DIDO1: variants seen among roughly 807,000 people sequenced by gnomAD.
The protein encoded by DIDO1 is death-inducer obliterator 1.
A neutral mutation model predicts 99.4 loss-of-function variants in DIDO1; 16 were observed. The ratio of observed to expected loss-of-function variants is 0.16; its 90% CI spans 0.11 to 0.24. The LOEUF is 0.24. Among genes scored for constraint, DIDO1 ranks in the 10% least tolerant of loss-of-function variants. The pLI, the probability that DIDO1 is intolerant of heterozygous loss-of-function variation, is 1.00. For missense variants in DIDO1, 2,996 were observed against 3,014.0 expected (o/e 0.99, Z 0.14); for synonymous variants, 1,366 against 1,239.1 (o/e 1.10, Z -2.15).
At position 62,894,499 on chromosome 20, in the gene DIDO1, A is replaced by G; in HGVS notation, c.2486T>C (p.Leu829Pro). The change falls in exon 11 of 16, where the codon CTT becomes CCT. Residue 829 changes from leucine (L) to proline (P), a missense_variant. Physicochemically the swap from Leu to Pro is moderately conservative, Grantham distance 98. Transcript: ENST00000395343. The surrounding 1 kb of genome is among the most constrained non-coding windows in gnomAD (Gnocchi z 4.4). Reference sequence around the variant, plus strand: ...CAACATGCTGCTGAAGACGTCGAGAAGCGGCGCTGTGCTCTTCTCAGGGAC... The same window carrying G: ...CAACATGCTGCTGAAGACGTCGAGAGGCGGCGCTGTGCTCTTCTCAGGGAC... Reference protein sequence around the residue: ...RAVPEKSTAPLLDVFSSMLKD... With the variant: ...RAVPEKSTAPPLDVFSSMLKD... The G allele has an allele frequency of 6.2e-7, 1 of 1,613,370 alleles. No homozygotes were observed. Among genetic ancestry groups the G allele is most frequent in the Non-Finnish European group, 8.5e-7 (1 of 1,180,016 alleles).
intron 1 of DIDO1, among the ~76,000 whole-genome samples, chr20:62,922,109 T>TATACACAC (rs375077898): frequency 0.05 from 5,550 of 110,580 alleles, 163 homozygotes; most frequent in East Asian, 0.17. Flanking sequence ...ACTATATATA[T>TATACACAC]ACACACACAC....
chr20:62,887,775 C>T, intron 15 of DIDO1: 1 of 985,478 alleles, frequency 1.0e-6, no homozygotes, highest in Non-Finnish European at 1.2e-6. Context: ...GACTCTGCGA[C>T]CCCAAGTCCC....
Position 62,880,067 on chromosome 20 carries a change from C to A in DIDO1, c.5889G>T (p.Gln1963His). 1 of 1,611,786 alleles carries A rather than the reference C, an allele frequency of 6.2e-7. No individual in the cohort carries two copies. The highest frequency in any genetic ancestry group is 8.5e-7 in the Non-Finnish European group (1 of 1,179,998). The change falls in exon 16 of 16, where the codon CAG becomes CAT. Residue 1963 changes from glutamine (Q) to histidine (H), a missense_variant. By Grantham distance (24) the Gln-to-His change is conservative. This residue lies in a region of DIDO1 where 1,562 missense variants were observed against 1,412.6 expected (regional missense o/e 1.11). Transcript: ENST00000395343. ...PNFMPGPRGI[Q>H]PQQFEDQRVH... ...CCCTCTGGTCTTCGAACTGCTGAGG[C>A]TGAATGCCCCTGGGACCTGGCATAA...
chr20:62,900,756 G>A (rs1264439741), intron 6 of DIDO1, among the ~76,000 whole-genome samples: 1 of 152,220 alleles, frequency 6.6e-6, no homozygotes, highest in Admixed American at 6.5e-5. Context: ...GCTGGTTTAG[G>A]GAAGCTGGGG....
chr20:62,900,893 G>GA (rs1222879352), intron 6 of DIDO1, among the ~76,000 whole-genome samples: 1 of 152,224 alleles, frequency 6.6e-6, no homozygotes, highest in Non-Finnish European at 1.5e-5. Context: ...AGGAACTGTG[G>GA]AAGTAAATTC....
chr20:62,928,219 T>G (rs761644790), upstream of DIDO1, among the ~76,000 whole-genome samples: 21 of 152,008 alleles, frequency 1.4e-4, no homozygotes, highest in African/African-American at 3.9e-4. Flanking sequence ...TCAGGAGAGA[T>G]AGATGGAAAG....
chr20:62,907,087 C>A, intron 5 of DIDO1, 60 bp downstream of exon 5: 2 of 1,573,242 alleles, frequency 1.3e-6, no homozygotes, highest in Non-Finnish European at 8.7e-7. Flanking sequence ...AACAGTTCTG[C>A]GACAAACGCT....
At chr20:62,887,828 A>G (rs963710607) in intron 15 of DIDO1, 5 of 985,396 alleles carry the variant, frequency 5.1e-6, no homozygotes, top group Non-Finnish European at 6.0e-6. Context: ...AGTGGGGTGA[A>G]CATCTAGGTG....
chr20:62,886,501 A>G (rs2147368696), intron 15 of DIDO1, among the ~76,000 whole-genome samples: 1 of 152,318 alleles, frequency 6.6e-6, no homozygotes, highest in East Asian at 1.9e-4. Flanking sequence ...GGCCAAGACC[A>G]AAACCAGGAT....
intron 1 of DIDO1, among the ~76,000 whole-genome samples, chr20:62,919,859 T>C (rs1469825164): frequency 1.3e-5 from 2 of 152,202 alleles, no homozygotes; most frequent in Non-Finnish European, 2.9e-5. Context: ...GGTGGGAAAT[T>C]TCAACTCTCC....
chr20:62,929,692 A>AAAAAAAATATATATATAT, upstream of DIDO1, among the ~76,000 whole-genome samples: 3 of 63,710 alleles, frequency 4.7e-5, no homozygotes, highest in African/African-American at 2.3e-4. Flanking sequence ...AAAAAGAAAA[A>AAAAAAAATATATATATAT]GTGTATATAT....
At chr20:62,921,412 C>T (rs1488925330) in intron 1 of DIDO1, among the ~76,000 whole-genome samples, 2 of 152,180 alleles carry the variant, frequency 1.3e-5, no homozygotes, top group African/African-American at 4.8e-5. Context: ...GAGGCCATTC[C>T]GGTTCAGTCA....
rs1327789152 is a variant in DIDO1, at chr20:62,921,939, T to C, written c.-200+4500A>G. On this transcript the variant is annotated intron_variant, in intron 1 of 15. Transcript: ENST00000395343. ...ATACACTATATATGTCCAAAATATA[T>C]ATACACTATATATGTCCACAATATA... Among the ~76,000 whole-genome samples the C allele has an allele frequency of 2.0e-5, 3 of 150,378 alleles. No homozygotes were observed. In the Admixed American group the frequency reaches 2.0e-4, roughly 10 times the overall value.
At position 62,898,507 on chromosome 20, in the gene DIDO1, C is replaced by G. The variant is rs527248157; in HGVS notation, c.1589-1511G>C. Among the ~76,000 whole-genome samples the G allele has an allele frequency of 3.3e-5, 5 of 152,368 alleles. 1 individual carries two copies. The South Asian group carries it at 1.0e-3, about 32-fold the overall frequency. On this transcript the variant is annotated intron_variant, in intron 6 of 15. Transcript: ENST00000395343. Reference sequence around the variant, plus strand: ...GTGTCACTGTTAACAGATATTCGCCCCGACTTTCAAGATTTCCATGTGTTC... The same window carrying G: ...GTGTCACTGTTAACAGATATTCGCCGCGACTTTCAAGATTTCCATGTGTTC...
chr20:62,899,926 A>T (rs1461451215), intron 6 of DIDO1, among the ~76,000 whole-genome samples: 2 of 152,236 alleles, frequency 1.3e-5, no homozygotes, highest in African/African-American at 4.8e-5. Context: ...CTGCTGCTGA[A>T]ATGGGGACAG....
chr20:62,928,033 G>A (rs904277728), upstream of DIDO1, among the ~76,000 whole-genome samples: 1 of 152,178 alleles, frequency 6.6e-6, no homozygotes, highest in Non-Finnish European at 1.5e-5. Context: ...CTGAGGCCCA[G>A]GTGAAGACCA....
chr20:62,892,927 G>GACA lies in DIDO1; in HGVS notation c.3136_3137insTGT (p.Thr1046delinsMetSer). 6.2e-7 allele frequency: 1 copy of GACA among 1,613,784 alleles called. No individual in the cohort carries two copies. Among genetic ancestry groups the GACA allele is most frequent in the Non-Finnish European group, 8.5e-7 (1 of 1,179,846 alleles). On this transcript the variant is annotated protein_altering_variant, in exon 13 of 16. Transcript: ENST00000395343. ...GCTGAGTCGAGACAAAAAGAGGGTC[G>GACA]TGTCTCCCTCTGGAGGGGAACGTGA... is the stretch of plus-strand genomic sequence containing the variant.
exon 1 of DIDO1, chr20:62,937,891 C>T (rs1025214845): frequency 1.8e-5 from 7 of 398,350 alleles, no homozygotes; most frequent in African/African-American, 1.0e-4. Flanking sequence ...GGGCCGACGC[C>T]TTTTGACTCT....
At chr20:62,897,235 CTA>C (rs952838841) in intron 6 of DIDO1, among the ~76,000 whole-genome samples, 3 of 152,188 alleles carry the variant, frequency 2.0e-5, no homozygotes, top group African/African-American at 7.2e-5. Flanking sequence ...CTTTATTATT[CTA>C]TCTTTTACCT....
Sources: gnomAD v4.1 joint callset for allele counts (sites outside exome capture counted in the v4.1 genomes callset) on GRCh38, gnomAD v4.1.1 for gene constraint, gnomAD v4.1.1 regional missense constraint, Gnocchi (gnomAD v3.1) non-coding constraint, MANE v1.5 for transcripts, NCBI Gene and HGNC (gene_info 2026-07-23, HGNC 2026-07-21) for gene names.